The following PLPPR1 variants were observed in gnomAD, a reference collection of about 807,000 sequenced individuals.
PLPPR1 encodes the protein phospholipid phosphatase related 1.
Under a neutral mutation model 33.1 loss-of-function variants are expected in PLPPR1, and 10 were observed. The ratio of observed to expected loss-of-function variants is 0.30; its 90% CI spans 0.19 to 0.51. The LOEUF (loss-of-function observed/expected upper bound fraction) is 0.51. Ranked by LOEUF, PLPPR1 falls within the 20% of genes least tolerant of loss-of-function variation. The pLI, the probability that PLPPR1 is intolerant of heterozygous loss-of-function variation, is 0.97. For synonymous variants in PLPPR1, 151 were observed against 151.0 expected, an observed-to-expected ratio of 1.00 and a Z score of 0.00; for missense variants, 304 against 408.1, an observed-to-expected ratio of 0.74 and a Z score of 2.20.
intron 4 of PLPPR1, among the ~76,000 whole-genome samples, chr9:101,308,017 C>T (rs1043045594): frequency 1.3e-5 from 2 of 152,224 alleles, no homozygotes; most frequent in African/African-American, 2.4e-5. Flanking sequence ...GGCTAATCCT[C>T]TGGAATTTAC....
intron 1 of PLPPR1, among the ~76,000 whole-genome samples, chr9:101,107,584 G>A (rs1182371554): frequency 1.6e-5 from 1 of 62,334 alleles, no homozygotes; most frequent in East Asian, 4.8e-4. Flanking sequence ...AGTCTGCAGA[G>A]GTTACTGCTG....
intron 1 of PLPPR1, among the ~76,000 whole-genome samples, chr9:101,064,542 G>A (rs1319870938): frequency 6.6e-6 from 1 of 151,974 alleles, no homozygotes. Context: ...TGACATTTAG[G>A]ACTTAACCTT....
chr9:101,098,353 A>C (rs757904769), intron 1 of PLPPR1, among the ~76,000 whole-genome samples: 2 of 152,060 alleles, frequency 1.3e-5, no homozygotes, highest in Non-Finnish European at 2.9e-5. Context: ...ATGCACAGGG[A>C]GGGATGATGC....
At chr9:101,156,564 A>G (rs1831692635) in intron 1 of PLPPR1, among the ~76,000 whole-genome samples, 1 of 148,618 alleles carries the variant, frequency 6.7e-6, no homozygotes, top group Non-Finnish European at 1.5e-5. Flanking sequence ...AAAAAAAAAA[A>G]AAAAAAAAAG....
intron 7 of PLPPR1, among the ~76,000 whole-genome samples, chr9:101,319,820 G>T (rs1829121745): frequency 6.6e-6 from 1 of 152,120 alleles, no homozygotes; most frequent in South Asian, 2.1e-4. Flanking sequence ...ATTTTAAAAA[G>T]AAACAGAAAA....
chr9:101,207,020 T>A (rs1484120626), intron 2 of PLPPR1, among the ~76,000 whole-genome samples: 1 of 152,192 alleles, frequency 6.6e-6, no homozygotes, highest in African/African-American at 2.4e-5. Flanking sequence ...ATGCAATAAG[T>A]ACTAAGATAT....
chr9:101,125,024 T>G (rs1278669850), intron 1 of PLPPR1, among the ~76,000 whole-genome samples: 2 of 152,226 alleles, frequency 1.3e-5, no homozygotes, highest in African/African-American at 2.4e-5. Flanking sequence ...ATTTGCCCTT[T>G]GAGCCATAGC....
intron 1 of PLPPR1, among the ~76,000 whole-genome samples, chr9:101,181,085 T>C (rs954048683): frequency 6.7e-6 from 1 of 149,032 alleles, no homozygotes; most frequent in African/African-American, 2.5e-5. Flanking sequence ...TAGACACTTC[T>C]CAAAAGAGGA....
At chr9:101,109,356 A>G (rs1831021912) in intron 1 of PLPPR1, among the ~76,000 whole-genome samples, 1 of 152,048 alleles carries the variant, frequency 6.6e-6, no homozygotes, top group Non-Finnish European at 1.5e-5. Flanking sequence ...ATTAAACACC[A>G]TCATTTCAAT....
intron 1 of PLPPR1, among the ~76,000 whole-genome samples, chr9:101,137,539 G>A (rs2118625007): frequency 6.6e-6 from 1 of 152,268 alleles, no homozygotes; most frequent in East Asian, 1.9e-4. Flanking sequence ...TCCTGTGTTG[G>A]GGTGTACAGC....
At chr9:101,109,723 A>G (rs1252093319) in intron 1 of PLPPR1, among the ~76,000 whole-genome samples, 1 of 152,214 alleles carries the variant, frequency 6.6e-6, no homozygotes, top group Non-Finnish European at 1.5e-5. Context: ...CTATTATCCC[A>G]GGATAATCGC....
At chr9:101,249,518 G>A (rs1374701389) in intron 2 of PLPPR1, among the ~76,000 whole-genome samples, 1 of 152,028 alleles carries the variant, frequency 6.6e-6, no homozygotes, top group Non-Finnish European at 1.5e-5. Context: ...ATGGAGGAGG[G>A]TGGCGCATAT....
intron 5 of PLPPR1, 56 bp from the exon 6 acceptor site, chr9:101,312,742 G>A: frequency 6.7e-7 from 1 of 1,491,694 alleles, no homozygotes; most frequent in South Asian, 1.2e-5. Flanking sequence ...GCTTGCATGT[G>A]TACTCATAGC....
At chr9:101,037,449 G>A (rs1830022778) in intron 1 of PLPPR1, among the ~76,000 whole-genome samples, 1 of 152,026 alleles carries the variant, frequency 6.6e-6, no homozygotes, top group African/African-American at 2.4e-5. Context: ...AGGGGTTCTG[G>A]GGTGCCCTTT....
At chr9:101,111,354 G>A (rs1327499607) in intron 1 of PLPPR1, among the ~76,000 whole-genome samples, 1 of 152,010 alleles carries the variant, frequency 6.6e-6, no homozygotes, top group Non-Finnish European at 1.5e-5. Context: ...CTATATTATT[G>A]TAGCCCAATT....
chr9:101,197,605 T>A (rs186516285), intron 2 of PLPPR1, among the ~76,000 whole-genome samples: 1 of 152,294 alleles, frequency 6.6e-6, no homozygotes, highest in East Asian at 1.9e-4. Flanking sequence ...TGTGATGCCT[T>A]TTTGGAACTA....
At chr9:101,309,614 C>A (rs1394026687) in intron 5 of PLPPR1, among the ~76,000 whole-genome samples, 153 bp downstream of exon 5, 2 of 152,070 alleles carry the variant, frequency 1.3e-5, no homozygotes, top group African/African-American at 4.8e-5. Context: ...TACTAGCCCC[C>A]CCACACACAC....
chr9:101,300,948 G>A (rs534337815), intron 4 of PLPPR1, among the ~76,000 whole-genome samples: 1 of 152,336 alleles, frequency 6.6e-6, no homozygotes, highest in East Asian at 1.9e-4. Context: ...ATATTTGTGA[G>A]ATAAAGCACT....
intron 2 of PLPPR1, among the ~76,000 whole-genome samples, chr9:101,215,725 A>G (rs1826780675): frequency 6.6e-6 from 1 of 151,948 alleles, no homozygotes; most frequent in Admixed American, 6.6e-5. Context: ...CTCACGTATG[A>G]GTGAGAACAT....
Sources: gnomAD v4.1 joint callset for allele counts (sites outside exome capture counted in the v4.1 genomes callset) on GRCh38, gnomAD v4.1.1 for gene constraint, MANE v1.5 for transcripts, NCBI Gene and HGNC (gene_info 2026-07-23, HGNC 2026-07-21) for gene names.